MPPED1: variants seen among roughly 807,000 people sequenced by gnomAD.
MPPED1 encodes the protein metallophosphoesterase domain-containing protein 1.
A neutral mutation model predicts 36.2 loss-of-function variants in MPPED1; 16 were observed. The ratio of observed to expected loss-of-function variants is 0.44; its 90% CI spans 0.30 to 0.67. The LOEUF (loss-of-function observed/expected upper bound fraction) is 0.67, where lower values mean the gene tolerates loss of function less well. MPPED1 is among the 30% of genes least tolerant of loss of function. The pLI is 0.10. For missense variants in MPPED1, 307 were observed against 453.4 expected (o/e 0.68, Z 2.93); for synonymous variants, 199 against 191.3 (o/e 1.04, Z -0.33).
intron 4 of MPPED1, among the ~76,000 whole-genome samples, chr22:43,486,145 C>T (rs963777850): frequency 4.8e-5 from 7 of 146,362 alleles, no homozygotes; most frequent in African/African-American, 1.5e-4. Context: ...GTCAACACAC[C>T]GGTCTGGTCT....
chr22:43,480,529 C>G (rs550438839), intron 4 of MPPED1, among the ~76,000 whole-genome samples: 1 of 152,246 alleles, frequency 6.6e-6, no homozygotes, highest in Non-Finnish European at 1.5e-5. Context: ...AGTCTTTTGT[C>G]CATTAAAAAC....
chr22:43,451,199 G>T (rs1930556072), intron 3 of MPPED1, among the ~76,000 whole-genome samples: 1 of 151,996 alleles, frequency 6.6e-6, no homozygotes, highest in Admixed American at 6.6e-5. Flanking sequence ...TAGAGACTGG[G>T]TTTCACGATG....
intron 3 of MPPED1, among the ~76,000 whole-genome samples, chr22:43,453,580 A>G (rs953290281): frequency 4.6e-5 from 7 of 151,994 alleles, no homozygotes; most frequent in African/African-American, 1.7e-4. Flanking sequence ...CTAGATGACC[A>G]TTTACTCTTC....
chr22:43,499,950 G>GTGGTGA, intron 5 of MPPED1, among the ~76,000 whole-genome samples: 1 of 104,518 alleles, frequency 9.6e-6, no homozygotes, highest in Non-Finnish European at 1.9e-5. Context: ...GGTGGTGGTG[G>GTGGTGA]TGGTGATGGA....
At chr22:43,445,048 G>A (rs375866589) in intron 3 of MPPED1, among the ~76,000 whole-genome samples, 19 of 152,286 alleles carry the variant, frequency 1.2e-4, no homozygotes, top group East Asian at 9.7e-4. Flanking sequence ...CTTCCTGGGG[G>A]CCAAAGTGAA....
In MPPED1 at chr22:43,502,703, A is replaced by G. The variant is rs971643434; in HGVS notation, c.808A>G (p.Thr270Ala). Residue 270 changes from threonine to alanine, a missense_variant, in exon 6 of 7, where the codon ACG becomes GCG. Physicochemically the swap from Thr to Ala is moderately conservative, Grantham distance 58. This residue lies in a region of MPPED1 where 132 missense variants were observed against 212.3 expected (regional missense o/e 0.62). Coordinates refer to ENST00000443721, the MANE Select transcript of MPPED1 (RefSeq NM_001044370.2). This position sits in a 1 kb window ranked among gnomAD's most constrained non-coding sequence, Gnocchi z 5.5. ...QRVGCVELLN[T>A]VQRRVQPRLH... ...GGTGGGCTGTGTGGAGCTGCTCAAC[A>G]CGGTGCAGAGGCGCGTCCAGCCGCG... 1 of 1,613,134 alleles carries G rather than the reference A, an allele frequency of 6.2e-7. No individual in the cohort carries two copies. Among genetic ancestry groups the G allele is most frequent in the Non-Finnish European group, 8.5e-7 (1 of 1,179,842 alleles).
In MPPED1 at chr22:43,505,664, C is replaced by A; in HGVS notation, c.*48C>A. The A allele has an allele frequency of 4.7e-6, 7 of 1,505,066 alleles. No homozygotes were observed. The highest frequency in any genetic ancestry group is 6.3e-6 in the Non-Finnish European group (7 of 1,102,638). 93.2% of individuals were successfully genotyped at this position (1,505,066 alleles called of 1,614,324 possible). A position where few individuals can be genotyped will look rare whatever the true frequency, so the allele number is the denominator to read the frequency against. ...TGCCCGCCCGTGTCAGCTCCACAGG[C>A]CTGGCCCGGCCACTGTTCCTTCCAT... is the stretch of plus-strand genomic sequence containing the variant. On this transcript the variant is annotated 3_prime_UTR_variant, in exon 7 of 7. Transcript: ENST00000443721.
chr22:43,449,037 G>A (rs1469569780), intron 3 of MPPED1, among the ~76,000 whole-genome samples: 1 of 151,922 alleles, frequency 6.6e-6, no homozygotes, highest in Non-Finnish European at 1.5e-5. Context: ...GATATTTATG[G>A]TCAGCAGTAA....
rs183944750 is a variant in MPPED1 at position 43,428,254 on chromosome 22, C to T, written c.224+3045C>T. ...CTGCCCCACCCCATCCTGGACTGCT[C>T]TGCACCACCACCTCCGGCAGAGGGG... On this transcript the variant is annotated intron_variant, in intron 2 of 6. Coordinates refer to ENST00000443721, the MANE Select transcript of MPPED1 (RefSeq NM_001044370.2). Among the ~76,000 whole-genome samples, 688 of 152,330 alleles carry T rather than the reference C, an allele frequency of 4.5e-3. 3 individuals carry two copies. Among genetic ancestry groups the T allele is most frequent in the African/African-American group, 0.016 (662 of 41,572 alleles).
intron 3 of MPPED1, among the ~76,000 whole-genome samples, chr22:43,468,093 T>C (rs1272969682): frequency 6.6e-6 from 1 of 152,224 alleles, no homozygotes; most frequent in Non-Finnish European, 1.5e-5. Flanking sequence ...AATACACGTA[T>C]GTGGCAAATG....
At chr22:43,430,950 C>T (rs1270759812) in intron 2 of MPPED1, among the ~76,000 whole-genome samples, 1 of 146,760 alleles carries the variant, frequency 6.8e-6, no homozygotes, top group Non-Finnish European at 1.5e-5. Flanking sequence ...AAGCTTGGGT[C>T]TAGCTTCAGG....
chr22:43,422,180 G>C (rs135088), intron 1 of MPPED1, among the ~76,000 whole-genome samples: 139,142 of 152,302 alleles, frequency 0.91, 63,752 homozygotes, highest in African/African-American at 0.97. Flanking sequence ...GAGGGCAGAG[G>C]CGGAAGCCAG....
chr22:43,497,921 A>ATATGTATG (rs1227150774), intron 4 of MPPED1, among the ~76,000 whole-genome samples: 4 of 64,560 alleles, frequency 6.2e-5, no homozygotes, highest in African/African-American at 9.6e-5. Context: ...AGAAGCTGAT[A>ATATGTATG]TATATATGTA....
At chr22:43,418,081 G>T (rs1177024840) in intron 1 of MPPED1, 10 of 456,310 alleles carry the variant, frequency 2.2e-5, no homozygotes, top group South Asian at 1.5e-4. Context: ...CCCAGTGATT[G>T]TTAAAGAGCT....
intron 3 of MPPED1, among the ~76,000 whole-genome samples, 171 bp downstream of exon 3, chr22:43,435,386 C>T (rs1929921914): frequency 1.3e-5 from 2 of 152,214 alleles, no homozygotes; most frequent in African/African-American, 4.8e-5. Flanking sequence ...CCCTTTCTCT[C>T]CCATCCACCT....
At chr22:43,433,509 C>T (rs1929840301) in intron 2 of MPPED1, among the ~76,000 whole-genome samples, 1 of 151,094 alleles carries the variant, frequency 6.6e-6, no homozygotes, top group South Asian at 2.1e-4. Context: ...CCTGGTTGGT[C>T]ATCATCGGAT....
intron 2 of MPPED1, among the ~76,000 whole-genome samples, chr22:43,432,668 G>A (rs1929770723): frequency 4.4e-5 from 1 of 22,714 alleles, no homozygotes; most frequent in African/African-American, 2.7e-4. Context: ...AGGAGAGAGA[G>A]AGAAAGGGAG....
intron 4 of MPPED1, among the ~76,000 whole-genome samples, chr22:43,489,739 G>A (rs934364343): frequency 6.6e-6 from 1 of 152,144 alleles, no homozygotes; most frequent in African/African-American, 2.4e-5. Flanking sequence ...GGCTGGTGTC[G>A]AACTCCTGAC....
chr22:43,422,640 C>G (rs764082584), intron 1 of MPPED1, among the ~76,000 whole-genome samples: 1 of 152,126 alleles, frequency 6.6e-6, no homozygotes, highest in Non-Finnish European at 1.5e-5. Context: ...TTGACACCCT[C>G]GTACCAAGGG....
Sources: allele counts gnomAD v4.1 joint callset (sites outside exome capture counted in the v4.1 genomes callset), GRCh38; gene constraint gnomAD v4.1.1; regional missense constraint gnomAD v4.1.1; non-coding constraint Gnocchi (gnomAD v3.1); transcripts MANE v1.5; gene names NCBI Gene and HGNC (gene_info 2026-07-23, HGNC 2026-07-21).